Variants in EXOC6 observed in about 807,000 individuals in gnomAD.
EXOC6 encodes the protein exocyst complex component 6, also known as SEC15-like 1.
Under a neutral mutation model 112.5 loss-of-function variants are expected in EXOC6, and 60 were observed. The ratio of observed to expected loss-of-function variants is 0.53; its 90% CI spans 0.43 to 0.66. The LOEUF (loss-of-function observed/expected upper bound fraction) is 0.66. Ranked by LOEUF, EXOC6 falls within the 30% of genes least tolerant of loss-of-function variation. The pLI is 0.00. For synonymous variants in EXOC6, 295 were observed against 308.0 expected (o/e 0.96, Z 0.44); for missense variants, 855 against 957.1 (o/e 0.89, Z 1.41).
At chr10:92,847,575 T>C (rs1248637652), upstream of EXOC6, among the ~76,000 whole-genome samples, 1 of 152,202 alleles carries the variant, frequency 6.6e-6, no homozygotes, top group Non-Finnish European at 1.5e-5. Flanking sequence ...TCAGGCTAGG[T>C]TTCCATTCTG....
At chr10:92,967,059 A>G (rs976998644) in intron 17 of EXOC6, among the ~76,000 whole-genome samples, 14 of 150,738 alleles carry the variant, frequency 9.3e-5, no homozygotes, top group African/African-American at 3.2e-4. Context: ...GCATTTTTTC[A>G]TGTGTCTTTT....
At chr10:92,878,656 C>T (rs1343250256) in intron 1 of EXOC6, among the ~76,000 whole-genome samples, 1 of 152,154 alleles carries the variant, frequency 6.6e-6, no homozygotes, top group Non-Finnish European at 1.5e-5. Flanking sequence ...GCCAAATTAT[C>T]ATTTTTAGAG....
chr10:92,899,822 TAATA>T (rs1442514358), intron 5 of EXOC6, 178 bp downstream of exon 5: 1 of 488,968 alleles, frequency 2.0e-6, no homozygotes, highest in Non-Finnish European at 3.6e-6. Flanking sequence ...AGCCTTTTAT[TAATA>T]AATCATTGTC....
At chr10:92,955,041 C>G (rs1253394908) in intron 16 of EXOC6, among the ~76,000 whole-genome samples, 3 of 151,932 alleles carry the variant, frequency 2.0e-5, no homozygotes, top group African/African-American at 7.2e-5. Flanking sequence ...AAAATGAAGA[C>G]TATTAGCCAG....
chr10:92,988,053 A>C (rs1215449830), intron 18 of EXOC6, among the ~76,000 whole-genome samples: 1 of 152,218 alleles, frequency 6.6e-6, no homozygotes, highest in Non-Finnish European at 1.5e-5. Context: ...TGTTATCGTT[A>C]CTTGTTTCAA....
chr10:92,979,413 A>G (rs567970123), intron 18 of EXOC6, among the ~76,000 whole-genome samples: 1 of 152,306 alleles, frequency 6.6e-6, no homozygotes, highest in Admixed American at 6.5e-5. Flanking sequence ...GTTCCAGAAA[A>G]GTTATGATCT....
upstream of EXOC6, among the ~76,000 whole-genome samples, chr10:92,832,440 G>T (rs1359008722): frequency 6.6e-6 from 1 of 152,082 alleles, no homozygotes; most frequent in Non-Finnish European, 1.5e-5. Context: ...ACCACAGCCG[G>T]CTAATTTTTT....
upstream of EXOC6, chr10:92,834,655 C>T (rs975183228): frequency 8.6e-5 from 89 of 1,029,614 alleles, no homozygotes; most frequent in Admixed American, 1.6e-4. Context: ...ATAAGGAAAA[C>T]GGTATTTTTT....
At chr10:92,869,502 G>T (rs1355518435) in intron 1 of EXOC6, among the ~76,000 whole-genome samples, 2 of 152,176 alleles carry the variant, frequency 1.3e-5, no homozygotes, top group East Asian at 1.9e-4. Flanking sequence ...TAGAGGCAGG[G>T]TCTCACTATG....
intron 12 of EXOC6, among the ~76,000 whole-genome samples, chr10:92,936,648 G>A (rs951382942): frequency 6.6e-6 from 1 of 152,202 alleles, no homozygotes; most frequent in Admixed American, 6.5e-5. Context: ...TTTTTATTGG[G>A]AGTAATATTA....
chr10:92,907,523 ACTGTGT>A (rs760493099), intron 5 of EXOC6, among the ~76,000 whole-genome samples: 7 of 152,158 alleles, frequency 4.6e-5, no homozygotes, highest in Non-Finnish European at 8.8e-5. Flanking sequence ...AAGTAAGTTG[ACTGTGT>A]CTGTGGTATG....
chr10:92,870,385 T>C (rs1225023004), intron 1 of EXOC6, among the ~76,000 whole-genome samples: 2 of 152,192 alleles, frequency 1.3e-5, no homozygotes, highest in East Asian at 3.9e-4. Context: ...GAGATGGTCA[T>C]AGGATTTTTT....
At chr10:92,944,736 T>C in intron 13 of EXOC6, among the ~76,000 whole-genome samples, 1 of 151,854 alleles carries the variant, frequency 6.6e-6, no homozygotes, top group Non-Finnish European at 1.5e-5. Flanking sequence ...TGTTAGATAA[T>C]GGCCATTCTC....
At chr10:92,899,678 G>T (rs760427537) in intron 5 of EXOC6, 34 bp downstream of exon 5, 1 of 1,518,776 alleles carries the variant, frequency 6.6e-7, no homozygotes. Context: ...TTTTAAATAA[G>T]AATTTTTTTC....
intron 6 of EXOC6, among the ~76,000 whole-genome samples, chr10:92,913,138 G>A (rs1166397343): frequency 6.6e-6 from 1 of 152,154 alleles, no homozygotes; most frequent in African/African-American, 2.4e-5. Context: ...CATAGCAATA[G>A]TTTCAGGGGG....
chr10:92,877,353 A>T (rs112492569), intron 1 of EXOC6, among the ~76,000 whole-genome samples: 2 of 152,050 alleles, frequency 1.3e-5, no homozygotes, highest in African/African-American at 4.8e-5. Flanking sequence ...TGGATTGTCT[A>T]CCTGGCTCTG....
At chr10:92,968,668 A>G (rs1251458434) in intron 17 of EXOC6, among the ~76,000 whole-genome samples, 1 of 152,330 alleles carries the variant, frequency 6.6e-6, no homozygotes, top group South Asian at 2.1e-4. Flanking sequence ...GTAAAAAAAC[A>G]TAAGTAAGTA....
intron 18 of EXOC6, among the ~76,000 whole-genome samples, chr10:92,982,347 T>G (rs1217567497): frequency 6.6e-6 from 1 of 152,170 alleles, no homozygotes; most frequent in African/African-American, 2.4e-5. Context: ...GGGAAATATA[T>G]ATCCCAAGAT....
At chr10:92,995,930 G>A (rs150329731) in intron 18 of EXOC6, among the ~76,000 whole-genome samples, 178 of 152,256 alleles carry the variant, frequency 1.2e-3, no homozygotes, top group African/African-American at 4.2e-3. Context: ...GACTTTTAAT[G>A]TGTGATTTAA....
Sources: allele counts gnomAD v4.1 joint callset (sites outside exome capture counted in the v4.1 genomes callset), GRCh38; gene constraint gnomAD v4.1.1; transcripts MANE v1.5; gene names NCBI Gene and HGNC (gene_info 2026-07-23, HGNC 2026-07-21).